The following VWDE variants were observed in gnomAD, a reference collection of about 807,000 sequenced individuals.
VWDE encodes the protein von Willebrand factor D and EGF domains, also known as von Willebrand factor D and EGF domain-containing protein.
A neutral mutation model predicts 178.4 loss-of-function variants in VWDE; 207 were observed. That is an observed-to-expected ratio of 1.16 (90% CI 1.04 to 1.30). The LOEUF (loss-of-function observed/expected upper bound fraction) is 1.30. Ranked by LOEUF, VWDE falls within the 50% of genes most tolerant of loss-of-function variation. The pLI, the probability that VWDE is intolerant of heterozygous loss-of-function variation, is 0.00. For missense variants in VWDE, 2,287 were observed against 1,901.3 expected, an observed-to-expected ratio of 1.20 and a Z score of -3.77; for synonymous variants, 738 against 651.4, an observed-to-expected ratio of 1.13 and a Z score of -2.02.
intron 19 of VWDE, among the ~76,000 whole-genome samples, chr7:12,347,913 A>G (rs1359104689): frequency 6.6e-6 from 1 of 152,120 alleles, no homozygotes; most frequent in Non-Finnish European, 1.5e-5. Flanking sequence ...CCTCAGAAAT[A>G]ACGCCGCGTA....
intron 2 of VWDE, among the ~76,000 whole-genome samples, chr7:12,391,111 T>C (rs1056008202): frequency 1.3e-5 from 2 of 152,158 alleles, no homozygotes; most frequent in African/African-American, 4.8e-5. Context: ...AAGAATAGCA[T>C]GTTTTTCAAT....
In VWDE at chr7:12,375,244, T is replaced by G. The variant is rs1783459758; in HGVS notation, c.1025-17A>C. On this transcript the variant is annotated splice_polypyrimidine_tract_variant and intron_variant, in intron 7 of 28. Coordinates refer to ENST00000275358, the MANE Select transcript of VWDE (RefSeq NM_001135924.3). ...GCTCTCTACCTATTTAATGAAAAAA[T>G]AGGTTTAAAAATTTCCAAGAGAATA... 6.5e-7 allele frequency: 1 copy of G among 1,542,040 alleles called. No homozygotes were observed. The highest frequency in any genetic ancestry group is 8.8e-7 in the Non-Finnish European group (1 of 1,139,768).
At chr7:12,374,947 A>G (rs1051602529) in intron 8 of VWDE, 63 bp downstream of exon 8, 7 of 1,452,688 alleles carry the variant, frequency 4.8e-6, no homozygotes, top group East Asian at 2.5e-5. Flanking sequence ...ATAAGACATA[A>G]TGATAAAATA....
At position 12,389,041 on chromosome 7, in the gene VWDE, C is replaced by CAGTTAGT. The variant is rs537570340; in HGVS notation, c.475+85_475+86insACTAACT. ...ACTGAGTATCTTACTGAGATTTGCA[C>CAGTTAGT]TAACTCAATACAACCTATCCAGAGA... On this transcript the variant is annotated intron_variant, in intron 3 of 28. Coordinates refer to ENST00000275358, the MANE Select transcript of VWDE (RefSeq NM_001135924.3). 8.8e-5 allele frequency: 85 copies of CAGTTAGT among 960,502 alleles called. 2 individuals carry two copies. The South Asian group carries it at 1.0e-3, about 11-fold the overall frequency. The allele number at this position is 960,502 out of a possible 1,614,324, so 59.5% of individuals were successfully genotyped here. A position where few individuals can be genotyped will look rare whatever the true frequency, so the allele number is the denominator to read the frequency against.
intron 10 of VWDE, among the ~76,000 whole-genome samples, chr7:12,371,753 A>G (rs1446726600): frequency 6.6e-6 from 1 of 152,100 alleles, no homozygotes; most frequent in East Asian, 1.9e-4. Context: ...TCGCCTGTCA[A>G]TAAACACACT....
chr7:12,357,313 A>G lies in VWDE; in HGVS notation c.3477T>C (p.Thr1159=). 6.4e-7 allele frequency: 1 copy of G among 1,552,286 alleles called. No homozygotes were observed. The highest frequency in any genetic ancestry group is 8.7e-7 in the Non-Finnish European group (1 of 1,147,124). The change falls in exon 17 of 29, where the codon ACT becomes ACC. Residue 1159 remains threonine, a synonymous_variant. Transcript: ENST00000275358. ...CATCGCAGTCATCATTAAGGCGTAC[A>G]GTAATTTGTTGGGTAGTTAGTAAAT... ...KTDLLTTQQI[T]VRLNDDCDAE... is the part of the protein sequence containing the mutation.
intron 1 of VWDE, among the ~76,000 whole-genome samples, chr7:12,399,212 AT>A (rs1297622793): frequency 6.6e-6 from 1 of 152,164 alleles, no homozygotes; most frequent in African/African-American, 2.4e-5. Context: ...ACACAATTAG[AT>A]TGAAAGTAAA....
At position 12,349,259 on chromosome 7, in the gene VWDE, A is replaced by AAATAAATG. The variant is rs1423834924; in HGVS notation, c.3886+2313_3886+2314insCATTTATT. 1.1e-4 allele frequency among the ~76,000 whole-genome samples: 17 copies of AAATAAATG among 150,376 alleles called. No individual in the cohort carries two copies. The South Asian group carries it at 3.5e-3, about 31-fold the overall frequency. On this transcript the variant is annotated intron_variant, in intron 19 of 28. Coordinates refer to ENST00000275358, the MANE Select transcript of VWDE (RefSeq NM_001135924.3). ...ATAATAAATAAATAAATAAATAAAT[A>AAATAAATG]AAATATATGATATTTAAATTCAATG...
In VWDE at chr7:12,374,759, T is replaced by C; in HGVS notation, c.1246A>G (p.Lys416Glu). Residue 416 changes from lysine (K) to glutamate (E), a missense_variant, in exon 9 of 29, where the codon AAA (lysine) becomes GAA (glutamate). By Grantham distance (56) the Lys-to-Glu change is moderately conservative. Transcript: ENST00000275358. ...NNYIPDSIQI[K>E]VKDVPTAYCY... ...TAAGCAGTTGGGACATCCTTTACTT[T>C]GATCTTAAAAGCAAAGATATTTTTG... is the stretch of plus-strand genomic sequence containing the variant. The C allele has an allele frequency of 6.5e-7, 1 of 1,529,118 alleles. No homozygotes were observed. Among genetic ancestry groups the C allele is most frequent in the Non-Finnish European group, 8.8e-7 (1 of 1,137,110 alleles). The allele number at this position is 1,529,118 out of a possible 1,614,324, so 94.7% of individuals were successfully genotyped here. A position where few individuals can be genotyped will look rare whatever the true frequency, so the allele number is the denominator to read the frequency against.
At chr7:12,364,663 A>C (rs1025248677) in intron 13 of VWDE, among the ~76,000 whole-genome samples, 2 of 152,164 alleles carry the variant, frequency 1.3e-5, no homozygotes, top group Non-Finnish European at 2.9e-5. Flanking sequence ...AATTCCAGAT[A>C]ATATGTGTAG....
At position 12,346,859 on chromosome 7, in the gene VWDE, C is replaced by T. The variant is rs115274096; in HGVS notation, c.3887-2390G>A. 8.8e-3 allele frequency among the ~76,000 whole-genome samples: 1,336 copies of T among 151,922 alleles called. 33 individuals carry two copies. Among genetic ancestry groups the T allele is most frequent in the African/African-American group, 0.031 (1,288 of 41,422 alleles). ...AATATAAAAAACACTTAATGCTTCT[C>T]AAAGCATTAAGATTTTATGTAAATC... is the stretch of plus-strand genomic sequence containing the variant. On this transcript the variant is annotated intron_variant, in intron 19 of 28. Coordinates refer to ENST00000275358, the MANE Select transcript of VWDE (RefSeq NM_001135924.3).
intron 2 of VWDE, 99 bp downstream of exon 2, chr7:12,393,495 C>A: frequency 9.5e-7 from 1 of 1,058,066 alleles, no homozygotes; most frequent in Non-Finnish European, 1.3e-6. Context: ...ATTAAAACAA[C>A]ATTTTAGCAT....
At chr7:12,345,718 T>A (rs1476652074) in intron 19 of VWDE, among the ~76,000 whole-genome samples, 2 of 152,160 alleles carry the variant, frequency 1.3e-5, no homozygotes, top group Non-Finnish European at 2.9e-5. Flanking sequence ...CTACTGTTCT[T>A]CACAGAAACT....
intron 4 of VWDE, among the ~76,000 whole-genome samples, chr7:12,383,000 A>T (rs1290684673): frequency 6.6e-6 from 1 of 151,880 alleles, no homozygotes; most frequent in Non-Finnish European, 1.5e-5. Flanking sequence ...ATTTGACATA[A>T]ATACAATCGT....
At chr7:12,372,773 G>GTTTAGAT (rs972174327) in intron 10 of VWDE, among the ~76,000 whole-genome samples, 2 of 152,076 alleles carry the variant, frequency 1.3e-5, no homozygotes, top group Non-Finnish European at 2.9e-5. Flanking sequence ...AAATAAGGCA[G>GTTTAGAT]TTTAGATTTT....
At chr7:12,403,268 A>G (rs556213767) in intron 1 of VWDE, among the ~76,000 whole-genome samples, 1 of 152,182 alleles carries the variant, frequency 6.6e-6, no homozygotes, top group Non-Finnish European at 1.5e-5. Flanking sequence ...GAATTCGTGC[A>G]GTATGGAATT....
chr7:12,379,269 G>A (rs1783703056), intron 6 of VWDE, among the ~76,000 whole-genome samples: 2 of 152,134 alleles, frequency 1.3e-5, no homozygotes, highest in South Asian at 4.1e-4. Context: ...AAAAAATGAA[G>A]GTACATCTCA....
intron 27 of VWDE, among the ~76,000 whole-genome samples, chr7:12,335,683 C>T (rs564973813): frequency 6.6e-6 from 1 of 152,278 alleles, no homozygotes; most frequent in Non-Finnish European, 1.5e-5. Context: ...TCTCGATCTC[C>T]TGACCTGGTG....
At chr7:12,337,811 T>C (rs185399677) in intron 24 of VWDE, among the ~76,000 whole-genome samples, 1 of 152,196 alleles carries the variant, frequency 6.6e-6, no homozygotes, top group South Asian at 2.1e-4. Context: ...AGAATATTTG[T>C]TAGATAATTT....
Sources: gnomAD v4.1 joint callset for allele counts (sites outside exome capture counted in the v4.1 genomes callset) on GRCh38, gnomAD v4.1.1 for gene constraint, MANE v1.5 for transcripts, NCBI Gene and HGNC (gene_info 2026-07-23, HGNC 2026-07-21) for gene names.